Variants in HHAT observed in about 807,000 individuals in gnomAD.
The protein encoded by HHAT is hedgehog acyltransferase.
HHAT carries 47 observed loss-of-function variants against 70.8 expected under a neutral mutation model. The ratio of observed to expected loss-of-function variants is 0.66; its 90% confidence interval spans 0.53 to 0.85. The LOEUF (loss-of-function observed/expected upper bound fraction) is 0.85, where lower values mean the gene tolerates loss of function less well. HHAT is among the 40% of genes least tolerant of loss of function. The pLI, the probability that HHAT is intolerant of heterozygous loss-of-function variation, is 0.00. For synonymous variants in HHAT, 228 were observed against 247.6 expected (o/e 0.92, Z 0.74); for missense variants, 609 against 604.8 (o/e 1.01, Z -0.07).
At chr1:210,658,680 G>A (rs1024182601) in intron 11 of HHAT, among the ~76,000 whole-genome samples, 1 of 152,122 alleles carries the variant, frequency 6.6e-6, no homozygotes, top group Admixed American at 6.5e-5. Flanking sequence ...TGACCACATA[G>A]TTGGAAGTGA....
At chr1:210,408,553 A>T (rs1436566847) in intron 6 of HHAT, among the ~76,000 whole-genome samples, 1 of 152,190 alleles carries the variant, frequency 6.6e-6, no homozygotes, top group Non-Finnish European at 1.5e-5. Flanking sequence ...GTCAGAAGTG[A>T]GACCCTGGGT....
intron 9 of HHAT, among the ~76,000 whole-genome samples, chr1:210,539,223 C>T (rs2095404872): frequency 6.6e-6 from 1 of 152,172 alleles, no homozygotes. Context: ...GGACATCTGC[C>T]TGGCAATACC....
At chr1:210,421,842 T>TA (rs1177197840) in intron 7 of HHAT, among the ~76,000 whole-genome samples, 7 of 152,276 alleles carry the variant, frequency 4.6e-5, no homozygotes, top group East Asian at 3.9e-4. Flanking sequence ...TTATATTATT[T>TA]AAAAAAAGTC....
chr1:210,501,261 A>T (rs146369423), intron 8 of HHAT, among the ~76,000 whole-genome samples: 1 of 152,226 alleles, frequency 6.6e-6, no homozygotes, highest in Non-Finnish European at 1.5e-5. Flanking sequence ...ATTTTGGCCC[A>T]TAGACTCTGT....
intron 7 of HHAT, among the ~76,000 whole-genome samples, chr1:210,435,041 T>A (rs930993459): frequency 2.6e-5 from 4 of 151,880 alleles, no homozygotes; most frequent in Non-Finnish European, 4.4e-5. Context: ...TTAACTATAG[T>A]TACCCTGTTG....
chr1:210,655,650 C>T (rs1342547100), intron 11 of HHAT, among the ~76,000 whole-genome samples: 1 of 152,200 alleles, frequency 6.6e-6, no homozygotes, highest in Non-Finnish European at 1.5e-5. Context: ...GGCACAAAAA[C>T]GTCTTTCTCT....
At chr1:210,613,512 T>C (rs1447184187) in intron 10 of HHAT, among the ~76,000 whole-genome samples, 1 of 152,226 alleles carries the variant, frequency 6.6e-6, no homozygotes, top group Admixed American at 6.5e-5. Flanking sequence ...CACACAGTTT[T>C]GATTATTGTA....
chr1:210,451,507 T>C (rs989007295), intron 7 of HHAT, among the ~76,000 whole-genome samples: 1 of 152,178 alleles, frequency 6.6e-6, no homozygotes, highest in Non-Finnish European at 1.5e-5. Flanking sequence ...ATTTGGAAAA[T>C]TAAAACAACA....
intron 9 of HHAT, among the ~76,000 whole-genome samples, chr1:210,515,740 A>G (rs550390677): frequency 1.4e-5 from 2 of 138,390 alleles, no homozygotes; most frequent in Non-Finnish European, 3.1e-5. Flanking sequence ...CCTGGGCGAT[A>G]CAGCGAGACT....
intron 3 of HHAT, among the ~76,000 whole-genome samples, chr1:210,373,653 G>A (rs1232670626): frequency 6.6e-6 from 1 of 152,214 alleles, no homozygotes; most frequent in Non-Finnish European, 1.5e-5. Flanking sequence ...TATCTGGCAT[G>A]TGTACGTTTA....
At chr1:210,456,809 T>C (rs1241956657) in intron 7 of HHAT, among the ~76,000 whole-genome samples, 2 of 152,328 alleles carry the variant, frequency 1.3e-5, no homozygotes, top group African/African-American at 4.8e-5. Context: ...AATTCAATGC[T>C]AGAGATGACT....
At chr1:210,422,588 T>G (rs1195974412) in intron 7 of HHAT, among the ~76,000 whole-genome samples, 1 of 152,220 alleles carries the variant, frequency 6.6e-6, no homozygotes, top group Non-Finnish European at 1.5e-5. Context: ...AAAATTTCAT[T>G]CTTTTTTATG....
At chr1:210,509,411 C>T (rs74156189) in intron 8 of HHAT, among the ~76,000 whole-genome samples, 6,206 of 152,204 alleles carry the variant, frequency 0.041, 429 homozygotes, top group African/African-American at 0.14. Flanking sequence ...AAGGTTGGTG[C>T]ATTCCTACCA....
chr1:210,418,002 A>G, intron 6 of HHAT, 152 bp from the exon 7 acceptor site: 1 of 717,208 alleles, frequency 1.4e-6, no homozygotes, highest in Non-Finnish European at 2.4e-6. Context: ...TCTTCCAACC[A>G]AGAACATTGA....
chr1:210,512,585 T>C (rs952481282), intron 8 of HHAT, among the ~76,000 whole-genome samples: 1 of 150,690 alleles, frequency 6.6e-6, no homozygotes, highest in East Asian at 2.0e-4. Context: ...GGTGGGAGGA[T>C]TGGTTTAACC....
At chr1:210,435,509 A>G (rs766618139) in intron 7 of HHAT, among the ~76,000 whole-genome samples, 4 of 151,842 alleles carry the variant, frequency 2.6e-5, no homozygotes, top group Non-Finnish European at 5.9e-5. Context: ...GCTGGATCAT[A>G]TGGTGGTTCT....
intron 4 of HHAT, among the ~76,000 whole-genome samples, chr1:210,395,216 T>G (rs1002225239): frequency 6.6e-6 from 1 of 152,116 alleles, no homozygotes; most frequent in Non-Finnish European, 1.5e-5. Flanking sequence ...GCTCTACACT[T>G]TCACTCCTCC....
intron 7 of HHAT, among the ~76,000 whole-genome samples, chr1:210,447,639 T>TA (rs1418462792): frequency 6.6e-6 from 1 of 152,228 alleles, no homozygotes; most frequent in East Asian, 1.9e-4. Flanking sequence ...GGTGGCAGAA[T>TA]ATCCCTGTGG....
At chr1:210,363,214 C>T (rs2088552653) in intron 3 of HHAT, among the ~76,000 whole-genome samples, 1 of 152,202 alleles carries the variant, frequency 6.6e-6, no homozygotes, top group Admixed American at 6.5e-5. Flanking sequence ...CCAGATCCAT[C>T]AGAATCACAT....
Sources: allele counts gnomAD v4.1 joint callset (sites outside exome capture counted in the v4.1 genomes callset), GRCh38; gene constraint gnomAD v4.1.1; transcripts MANE v1.5; gene names NCBI Gene and HGNC (gene_info 2026-07-23, HGNC 2026-07-21).